Variants in CLNK observed in about 807,000 individuals in gnomAD.
The protein encoded by CLNK is cytokine dependent hematopoietic cell linker.
In CLNK, 74 loss-of-function variants were observed where a neutral mutation model predicts 68.6. The observed-to-expected ratio is 1.08, with a 90% confidence interval of 0.89 to 1.31. The LOEUF (loss-of-function observed/expected upper bound fraction) is 1.31, where lower values mean the gene tolerates loss of function less well. CLNK is among the 50% of genes most tolerant of loss of function. CLNK has a pLI of 0.00. For missense variants in CLNK, 553 were observed against 515.3 expected, an observed-to-expected ratio of 1.07 and a Z score of -0.71; for synonymous variants, 198 against 172.2, an observed-to-expected ratio of 1.15 and a Z score of -1.17.
At chr4:10,654,297 T>G (rs1438390205) in intron 2 of CLNK, among the ~76,000 whole-genome samples, 2 of 149,734 alleles carry the variant, frequency 1.3e-5, no homozygotes, top group African/African-American at 2.4e-5. Context: ...AATCTTTATA[T>G]TAACAAAAGC....
intron 7 of CLNK, among the ~76,000 whole-genome samples, chr4:10,563,634 C>T (rs926788537): frequency 6.6e-6 from 1 of 152,242 alleles, no homozygotes; most frequent in African/African-American, 2.4e-5. Context: ...AATGGCCCGG[C>T]GCGGTGGCTC....
intron 2 of CLNK, among the ~76,000 whole-genome samples, chr4:10,646,654 A>C (rs4593124): frequency 0.11 from 17,107 of 152,104 alleles, 1,115 homozygotes; most frequent in East Asian, 0.26. Flanking sequence ...CACTGCAATC[A>C]AGATAGAGAA....
intron 14 of CLNK, among the ~76,000 whole-genome samples, chr4:10,524,160 T>A (rs1718205884): frequency 6.6e-6 from 1 of 151,896 alleles, no homozygotes; most frequent in Admixed American, 6.6e-5. Flanking sequence ...TTTAAGCTGT[T>A]TGGGACTTAA....
chr4:10,530,468 T>C (rs1718490603), intron 12 of CLNK, among the ~76,000 whole-genome samples: 1 of 152,184 alleles, frequency 6.6e-6, no homozygotes, highest in Admixed American at 6.5e-5. Context: ...AAACAAACAA[T>C]GGGGAAGCGT....
intron 4 of CLNK, among the ~76,000 whole-genome samples, chr4:10,572,164 T>C (rs1209095213): frequency 2.0e-5 from 3 of 152,252 alleles, no homozygotes; most frequent in African/African-American, 7.2e-5. Context: ...TTCCCTTCTC[T>C]TCCCCCACAA....
chr4:10,519,731 C>T (rs991950402), intron 15 of CLNK, among the ~76,000 whole-genome samples: 1 of 151,714 alleles, frequency 6.6e-6, no homozygotes, highest in African/African-American at 2.4e-5. Flanking sequence ...CCTACTGAGG[C>T]CATTTGGGTG....
chr4:10,653,954 A>G (rs1169772078), intron 2 of CLNK, among the ~76,000 whole-genome samples: 1 of 152,230 alleles, frequency 6.6e-6, no homozygotes, highest in Non-Finnish European at 1.5e-5. Context: ...TATAACCATC[A>G]ATGATATTGA....
the CLNK span, among the ~76,000 whole-genome samples, chr4:10,693,644 G>A: frequency 6.6e-6 from 1 of 152,212 alleles, no homozygotes; most frequent in Non-Finnish European, 1.5e-5. Flanking sequence ...AAACCACCCA[G>A]TTGGTGGCAC....
intron 2 of CLNK, among the ~76,000 whole-genome samples, chr4:10,615,369 T>C (rs763938997): frequency 7.9e-5 from 12 of 151,836 alleles, no homozygotes; most frequent in African/African-American, 2.9e-4. Context: ...TAATCCCAGA[T>C]ACTTGGGATT....
chr4:10,688,785 G>A (rs1725358076), upstream of CLNK, among the ~76,000 whole-genome samples: 1 of 151,848 alleles, frequency 6.6e-6, no homozygotes, highest in African/African-American at 2.4e-5. Flanking sequence ...ATTTTTTTGA[G>A]CTTCGGCTAT....
chr4:10,608,816 C>T (rs901916866), intron 2 of CLNK, among the ~76,000 whole-genome samples: 5 of 152,214 alleles, frequency 3.3e-5, no homozygotes, highest in Non-Finnish European at 5.9e-5. Context: ...ATTTATCCCT[C>T]ATAGTTCTGT....
At chr4:10,515,066 C>T (rs757587690) in intron 15 of CLNK, among the ~76,000 whole-genome samples, 2 of 152,036 alleles carry the variant, frequency 1.3e-5, no homozygotes, top group South Asian at 2.1e-4. Flanking sequence ...GGTGAAACCC[C>T]GTCTCTACTA....
the CLNK span, among the ~76,000 whole-genome samples, chr4:10,722,847 C>T: frequency 2.6e-5 from 4 of 152,210 alleles, no homozygotes; most frequent in African/African-American, 4.8e-5. Flanking sequence ...GTCAGGAGTT[C>T]GAGACCAGCC....
intron 7 of CLNK, among the ~76,000 whole-genome samples, chr4:10,563,111 G>A (rs1049185113): frequency 1.3e-5 from 2 of 152,150 alleles, no homozygotes; most frequent in African/African-American, 4.8e-5. Context: ...TAAATGGTCG[G>A]TGTTGCTTGA....
At chr4:10,504,116 CT>C (rs10660433) in intron 17 of CLNK, among the ~76,000 whole-genome samples, 21,717 of 65,774 alleles carry the variant, frequency 0.33, 2,101 homozygotes, top group Middle Eastern at 0.5. Context: ...TCTTTGGGTT[CT>C]TTTTTTTTTT....
chr4:10,568,394 G>A (rs1460338762), intron 5 of CLNK, among the ~76,000 whole-genome samples: 1 of 152,054 alleles, frequency 6.6e-6, no homozygotes, highest in African/African-American at 2.4e-5. Context: ...GGGGGACTGG[G>A]TTTCATTTTG....
In CLNK at chr4:10,561,492, A is replaced by C. The variant is rs538709072; in HGVS notation, c.400-3040T>G. On this transcript the variant is annotated intron_variant, in intron 7 of 18. Transcript: ENST00000226951. ...AAATGAGAATTATTCTTTGTAAAAA[A>C]AAATTGTATTCATGAAGGCTTACCT... Among the ~76,000 whole-genome samples, 4 of 152,344 alleles carry C rather than the reference A, an allele frequency of 2.6e-5. No individual in the cohort carries two copies. In the South Asian group the frequency reaches 8.3e-4, roughly 32 times the overall value.
At chr4:10,544,811 C>T (rs774425876) in intron 8 of CLNK, among the ~76,000 whole-genome samples, 30 of 152,068 alleles carry the variant, frequency 2.0e-4, no homozygotes, top group African/African-American at 5.1e-4. Flanking sequence ...AGCCTTCTTG[C>T]GGGTGGTGAC....
At chr4:10,500,833 T>C (rs1717011164) in intron 18 of CLNK, among the ~76,000 whole-genome samples, 1 of 152,230 alleles carries the variant, frequency 6.6e-6, no homozygotes, top group Non-Finnish European at 1.5e-5. Context: ...ATGCCCAACA[T>C]AGCCCTAATG....
Sources: gnomAD v4.1 joint callset for allele counts (sites outside exome capture counted in the v4.1 genomes callset) on GRCh38, gnomAD v4.1.1 for gene constraint, MANE v1.5 for transcripts, NCBI Gene and HGNC (gene_info 2026-07-23, HGNC 2026-07-21) for gene names.